Variants in TSPAN5 observed in about 807,000 individuals in gnomAD.
TSPAN5 encodes the protein tetraspanin-5.
A neutral mutation model predicts 37.1 loss-of-function variants in TSPAN5; 10 were observed. The observed-to-expected ratio is 0.27, with a 90% confidence interval of 0.17 to 0.46. The LOEUF (loss-of-function observed/expected upper bound fraction) is 0.46, where lower values mean the gene tolerates loss of function less well. TSPAN5 is among the 20% of genes least tolerant of loss of function. TSPAN5 has a pLI of 1.00. For missense variants in TSPAN5, 195 were observed against 326.6 expected (o/e 0.60, Z 3.11); for synonymous variants, 110 against 118.9 (o/e 0.93, Z 0.48).
At chr4:98,478,454 T>C (rs2110255877) in intron 5 of TSPAN5, among the ~76,000 whole-genome samples, 1 of 152,318 alleles carries the variant, frequency 6.6e-6, no homozygotes, top group East Asian at 1.9e-4. Flanking sequence ...CCAACTTAAA[T>C]GAGCCAACAC....
intron 1 of TSPAN5, among the ~76,000 whole-genome samples, chr4:98,651,713 G>T (rs1332791454): frequency 6.6e-6 from 1 of 152,120 alleles, no homozygotes; most frequent in Non-Finnish European, 1.5e-5. Context: ...AGTTTGAACA[G>T]ATGAAACTCT....
chr4:98,572,309 T>C (rs1204653131), intron 1 of TSPAN5, among the ~76,000 whole-genome samples: 1 of 152,186 alleles, frequency 6.6e-6, no homozygotes, highest in African/African-American at 2.4e-5. Flanking sequence ...CACAATGCAC[T>C]CTAGGGTCCC....
chr4:98,646,765 T>A (rs181063811), intron 1 of TSPAN5, among the ~76,000 whole-genome samples: 1 of 152,100 alleles, frequency 6.6e-6, no homozygotes, highest in Admixed American at 6.6e-5. Context: ...ACAAAAAATA[T>A]ATGTTACAAT....
At chr4:98,486,636 T>C in intron 3 of TSPAN5, 102 bp downstream of exon 3, 1 of 1,385,542 alleles carries the variant, frequency 7.2e-7, no homozygotes, top group Non-Finnish European at 1.0e-6. Context: ...CTTTGGCCAG[T>C]GCCTTTGGTA....
chr4:98,565,357 G>A (rs2110173774), intron 1 of TSPAN5, among the ~76,000 whole-genome samples: 1 of 152,100 alleles, frequency 6.6e-6, no homozygotes, highest in African/African-American at 2.4e-5. Context: ...ATATTTATCT[G>A]TCCATTTCCT....
chr4:98,491,462 G>GA (rs1366954840), intron 2 of TSPAN5, among the ~76,000 whole-genome samples: 1 of 152,110 alleles, frequency 6.6e-6, no homozygotes, highest in Non-Finnish European at 1.5e-5. Flanking sequence ...GGCCAAGGCG[G>GA]ACAGATCATG....
At chr4:98,528,748 C>CT (rs1168474196) in intron 1 of TSPAN5, among the ~76,000 whole-genome samples, 1 of 152,050 alleles carries the variant, frequency 6.6e-6, no homozygotes, top group Non-Finnish European at 1.5e-5. Flanking sequence ...AAAACAGGAA[C>CT]TTTTTTTATT....
intron 1 of TSPAN5, chr4:98,574,867 A>C (rs4699351): frequency 0.034 from 5,162 of 152,458 alleles, 248 homozygotes; most frequent in Admixed American, 0.13. Flanking sequence ...TAATCCATTT[A>C]AATGGTCTTT....
At chr4:98,534,169 CT>C (rs959980302) in intron 1 of TSPAN5, among the ~76,000 whole-genome samples, 48 of 152,146 alleles carry the variant, frequency 3.2e-4, no homozygotes, top group African/African-American at 1.1e-3. Flanking sequence ...ATAAATTTCC[CT>C]CTGCACACTG....
At chr4:98,630,094 C>T (rs1451664314) in intron 1 of TSPAN5, among the ~76,000 whole-genome samples, 1 of 152,134 alleles carries the variant, frequency 6.6e-6, no homozygotes. Flanking sequence ...AATTCACGCT[C>T]GAGTTGGGGA....
chr4:98,630,432 AT>A (rs1756718576), intron 1 of TSPAN5, among the ~76,000 whole-genome samples: 1 of 152,184 alleles, frequency 6.6e-6, no homozygotes, highest in Non-Finnish European at 1.5e-5. Context: ...GTGTGTATTT[AT>A]TTATATGTTT....
At chr4:98,559,155 C>T (rs986661412) in intron 1 of TSPAN5, among the ~76,000 whole-genome samples, 7 of 152,096 alleles carry the variant, frequency 4.6e-5, no homozygotes, top group Non-Finnish European at 1.0e-4. Context: ...TAGACAGTAA[C>T]GACACTAAGA....
At chr4:98,511,903 G>A (rs1753613743) in intron 1 of TSPAN5, among the ~76,000 whole-genome samples, 1 of 151,266 alleles carries the variant, frequency 6.6e-6, no homozygotes, top group Non-Finnish European at 1.5e-5. Flanking sequence ...CCATTTTATA[G>A]ATAAGGAAAC....
chr4:98,547,904 C>G (rs1401348872), intron 1 of TSPAN5, among the ~76,000 whole-genome samples: 3 of 150,612 alleles, frequency 2.0e-5, no homozygotes, highest in Non-Finnish European at 4.4e-5. Context: ...ACTCAGGAGG[C>G]TGAGGCAGGA....
At chr4:98,632,615 T>A (rs1226165098) in intron 1 of TSPAN5, among the ~76,000 whole-genome samples, 4 of 152,054 alleles carry the variant, frequency 2.6e-5, no homozygotes, top group Admixed American at 1.3e-4. Flanking sequence ...AATGCTGCAT[T>A]AAAAGGACAG....
In TSPAN5 at chr4:98,482,008, T is replaced by C. The variant is rs1185032041; in HGVS notation, c.447A>G (p.Glu149=). 2 of 1,613,688 alleles carry C rather than the reference T, an allele frequency of 1.2e-6. No homozygotes were observed. The highest frequency in any genetic ancestry group is 1.7e-6 in the Non-Finnish European group (2 of 1,179,894). ...DLQNLIDFTQ[E]YWQCCGAFGA... is the part of the protein sequence containing the mutation. ...AAACAAACCACTTTAAACTTACATATTCCTGGGTGAAGTCTATGAGGTTTT... is the reference window on the plus strand; with the variant it reads ...AAACAAACCACTTTAAACTTACATACTCCTGGGTGAAGTCTATGAGGTTTT... The change falls in exon 4 of 8, where the codon GAA becomes GAG. Residue 149 remains glutamate, a synonymous_variant. Coordinates refer to ENST00000305798, the MANE Select transcript of TSPAN5 (RefSeq NM_005723.4).
At chr4:98,474,216 A>G (rs1200361383) in intron 7 of TSPAN5, among the ~76,000 whole-genome samples, 1 of 152,164 alleles carries the variant, frequency 6.6e-6, no homozygotes, top group Non-Finnish European at 1.5e-5. Flanking sequence ...TAATTTTTAC[A>G]TATGGTGTGA....
intron 1 of TSPAN5, among the ~76,000 whole-genome samples, chr4:98,651,067 G>A (rs1474145328): frequency 6.6e-6 from 1 of 152,196 alleles, no homozygotes; most frequent in African/African-American, 2.4e-5. Flanking sequence ...AATTACAAAT[G>A]AGAAAAGAGT....
At chr4:98,508,526 T>TC (rs1490916099) in intron 1 of TSPAN5, among the ~76,000 whole-genome samples, 1 of 149,120 alleles carries the variant, frequency 6.7e-6, no homozygotes, top group Non-Finnish European at 1.5e-5. Flanking sequence ...GTTTTTCTTT[T>TC]TTTTTTTTTT....
Sources: gnomAD v4.1 joint callset for allele counts (sites outside exome capture counted in the v4.1 genomes callset) on GRCh38, gnomAD v4.1.1 for gene constraint, MANE v1.5 for transcripts, NCBI Gene and HGNC (gene_info 2026-07-23, HGNC 2026-07-21) for gene names.